Variants in DCT observed in about 807,000 individuals in gnomAD.
The protein encoded by DCT is dopachrome tautomerase.
DCT carries 47 observed loss-of-function variants against 53.0 expected under a neutral mutation model. The observed-to-expected ratio is 0.89, with a 90% CI of 0.70 to 1.13. The LOEUF is 1.13. Ranked by LOEUF, DCT falls within the 50% of genes most tolerant of loss-of-function variation. The pLI, the probability that DCT is intolerant of heterozygous loss-of-function variation, is 0.00. For synonymous variants in DCT, 244 were observed against 237.0 expected (o/e 1.03, Z -0.27); for missense variants, 669 against 637.4 (o/e 1.05, Z -0.53).
At chr13:94,545,359 C>A in the DCT span, among the ~76,000 whole-genome samples, 1 of 152,058 alleles carries the variant, frequency 6.6e-6, no homozygotes, top group Non-Finnish European at 1.5e-5. Flanking sequence ...GTCCAGCAAG[C>A]CCGTCTGCTA....
At chr13:94,478,603 T>C (rs951987046) in intron 1 of DCT, among the ~76,000 whole-genome samples, 3 of 152,246 alleles carry the variant, frequency 2.0e-5, no homozygotes, top group African/African-American at 7.2e-5. Context: ...TGCAAACCCA[T>C]TTCAGGAGAG....
In DCT at chr13:94,463,077, C is replaced by T. The variant is rs185863292; in HGVS notation, c.864-888G>A. ...TGTCCGTAAGACATTATATCCTACA[C>T]GCCTGCTATGGCCTGGATTCCAACA... is the stretch of plus-strand genomic sequence containing the variant. On this transcript the variant is annotated intron_variant, in intron 4 of 7. Transcript: ENST00000377028. Among the ~76,000 whole-genome samples the T allele has an allele frequency of 1.1e-4, 16 of 152,262 alleles. No homozygotes were observed. The East Asian group carries it at 1.5e-3, about 15-fold the overall frequency.
chr13:94,539,522 C>T, the DCT span, among the ~76,000 whole-genome samples: 34 of 152,224 alleles, frequency 2.2e-4, no homozygotes, highest in African/African-American at 8.2e-4. Context: ...TAAACCTGCG[C>T]AACAAATCAG....
chr13:94,514,322 G>A, the DCT span, among the ~76,000 whole-genome samples: 2 of 151,918 alleles, frequency 1.3e-5, no homozygotes, highest in Non-Finnish European at 1.5e-5. Flanking sequence ...AAACGGGGGT[G>A]GGCATCAATG....
the DCT span, among the ~76,000 whole-genome samples, chr13:94,497,942 T>C: frequency 6.6e-6 from 1 of 152,270 alleles, no homozygotes; most frequent in Admixed American, 6.5e-5. Context: ...TTCCCTGGAG[T>C]ACCTTAATAT....
At position 94,465,897 on chromosome 13, in the gene DCT, C is replaced by CTACCAAG. The variant is rs1038940930; in HGVS notation, c.697-105_697-99dup. ...GCTGATATGTATCTGAACCAAATAT[C>CTACCAAG]TACCAAGACAAAGACTACTGGATGG... On this transcript the variant is annotated intron_variant, in intron 3 of 7. Coordinates refer to ENST00000377028, the MANE Select transcript of DCT (RefSeq NM_001922.5). 12 of 809,090 alleles carry CTACCAAG rather than the reference C, an allele frequency of 1.5e-5. 1 individual carries two copies. Among genetic ancestry groups the CTACCAAG allele is most frequent in the Admixed American group, 3.2e-5 (1 of 31,574 alleles). 50.1% of individuals were successfully genotyped at this position (809,090 alleles called of 1,614,324 possible).
chr13:94,446,242 C>A (rs1030047135), intron 6 of DCT, among the ~76,000 whole-genome samples: 1 of 152,178 alleles, frequency 6.6e-6, no homozygotes, highest in Non-Finnish European at 1.5e-5. Flanking sequence ...GTACCTAGTA[C>A]ACAGCACCTT....
chr13:94,440,980 C>T (rs966628228), intron 7 of DCT, among the ~76,000 whole-genome samples: 4 of 151,954 alleles, frequency 2.6e-5, no homozygotes, highest in Admixed American at 2.0e-4. Context: ...TGCACCTGGC[C>T]GAATTTCATT....
At chr13:94,470,079 A>G (rs1287160422) in intron 1 of DCT, among the ~76,000 whole-genome samples, 1 of 152,136 alleles carries the variant, frequency 6.6e-6, no homozygotes, top group Non-Finnish European at 1.5e-5. Context: ...TGTCTCAAAA[A>G]GAAAGAAAAG....
intron 6 of DCT, among the ~76,000 whole-genome samples, chr13:94,449,596 A>G (rs1192631324): frequency 6.6e-6 from 1 of 152,228 alleles, no homozygotes; most frequent in African/African-American, 2.4e-5. Flanking sequence ...TGACAGATAA[A>G]AGCACACACA....
At chr13:94,545,476 T>G in the DCT span, among the ~76,000 whole-genome samples, 4 of 152,122 alleles carry the variant, frequency 2.6e-5, no homozygotes, top group Non-Finnish European at 5.9e-5. Context: ...AACTGACAGC[T>G]TTCCTAGTTT....
the DCT span, among the ~76,000 whole-genome samples, chr13:94,506,659 A>C: frequency 6.6e-6 from 1 of 152,214 alleles, no homozygotes; most frequent in Admixed American, 6.5e-5. Context: ...TATGGATTAC[A>C]CTGTTGCATG....
At chr13:94,510,639 G>A in the DCT span, among the ~76,000 whole-genome samples, 1 of 152,156 alleles carries the variant, frequency 6.6e-6, no homozygotes, top group Admixed American at 6.5e-5. Flanking sequence ...AATTATATAT[G>A]TGGCTTATGT....
chr13:94,494,468 T>C, the DCT span, among the ~76,000 whole-genome samples: 6 of 152,292 alleles, frequency 3.9e-5, no homozygotes, highest in African/African-American at 1.4e-4. Context: ...ATTGGTATTA[T>C]TTGCTGATCT....
the DCT span, among the ~76,000 whole-genome samples, chr13:94,493,579 T>A: frequency 6.6e-6 from 1 of 152,172 alleles, no homozygotes; most frequent in Admixed American, 6.5e-5. Flanking sequence ...TATACCTCAG[T>A]CAAGTTATGG....
Position 94,479,174 on chromosome 13 carries a change from C to G in DCT, c.82G>C (p.Val28Leu). 6.2e-7 allele frequency: 1 copy of G among 1,612,702 alleles called. No individual in the cohort carries two copies. The highest frequency in any genetic ancestry group is 1.3e-5 in the African/African-American group (1 of 75,022). Residue 28 changes from valine (V) to leucine (L), a missense_variant, in exon 1 of 8, where the codon GTC (valine) becomes CTC (leucine). Physicochemically the swap from Val to Leu is conservative, Grantham distance 32 (BLOSUM62 1). Transcript: ENST00000377028. ...LPGAQGQFPRVCMTVDSLVNK... is the reference protein window; with the variant it reads ...LPGAQGQFPRLCMTVDSLVNK... Reference sequence around the variant, plus strand: ...ACTAGGCTGTCCACCGTCATGCAGACTCGGGGGAACTGACCCTGGGCTCCT... The same window carrying G: ...ACTAGGCTGTCCACCGTCATGCAGAGTCGGGGGAACTGACCCTGGGCTCCT...
intron 6 of DCT, among the ~76,000 whole-genome samples, chr13:94,456,892 G>A (rs2139313907): frequency 6.6e-6 from 1 of 152,262 alleles, no homozygotes; most frequent in East Asian, 1.9e-4. Context: ...CACTTTGAGA[G>A]GCCGAGGCCC....
At chr13:94,484,432 C>T (rs1429132062), upstream of DCT, among the ~76,000 whole-genome samples, 3 of 152,210 alleles carry the variant, frequency 2.0e-5, no homozygotes, top group Non-Finnish European at 4.4e-5. Context: ...AGTCAGATGC[C>T]TCTCATATCC....
At chr13:94,515,393 A>G in the DCT span, among the ~76,000 whole-genome samples, 1 of 152,240 alleles carries the variant, frequency 6.6e-6, no homozygotes, top group African/African-American at 2.4e-5. Context: ...TTCAAACTGC[A>G]ACACAGACGT....
Sources: allele counts gnomAD v4.1 joint callset (sites outside exome capture counted in the v4.1 genomes callset), GRCh38; gene constraint gnomAD v4.1.1; transcripts MANE v1.5; gene names NCBI Gene and HGNC (gene_info 2026-07-23, HGNC 2026-07-21).